Variants in HECTD4 observed in about 807,000 individuals in gnomAD.
HECTD4 encodes the protein HECT domain E3 ubiquitin protein ligase 4.
Under a neutral mutation model 471.5 loss-of-function variants are expected in HECTD4, and 114 were observed. The ratio of observed to expected loss-of-function variants is 0.24; its 90% CI spans 0.21 to 0.28. HECTD4 has a LOEUF of 0.28. Among genes scored for constraint, HECTD4 ranks in the 10% least tolerant of loss-of-function variants. The pLI is 1.00. For synonymous variants in HECTD4, 2,012 were observed against 2,256.0 expected, an observed-to-expected ratio of 0.89 and a Z score of 3.07; for missense variants, 3,866 against 5,651.5, an observed-to-expected ratio of 0.68 and a Z score of 10.13.
At chr12:112,348,589 T>A (rs1427866862) in intron 1 of HECTD4, among the ~76,000 whole-genome samples, 1 of 151,964 alleles carries the variant, frequency 6.6e-6, no homozygotes, top group African/African-American at 2.4e-5. Flanking sequence ...AGACCCTGTC[T>A]CTATAAAAAA....
chr12:112,235,061 C>T lies in HECTD4; in HGVS notation c.5915+16G>A. On this transcript the variant is annotated intron_variant, in intron 37 of 75. Transcript: ENST00000682272. The surrounding 1 kb of genome is among the most constrained non-coding windows in gnomAD (Gnocchi z 5.0). ...GGTGCTTGAGGATGTGTAGCTATCA[C>T]AATCATTATGGTCACCTTAGCAATG... 6.4e-7 allele frequency: 1 copy of T among 1,553,814 alleles called. No homozygotes were observed. The highest frequency in any genetic ancestry group is 1.2e-5 in the South Asian group (1 of 84,342).
intron 61 of HECTD4, 70 bp from the exon 62 acceptor site, chr12:112,183,336 C>T: frequency 8.4e-7 from 1 of 1,190,304 alleles, no homozygotes; most frequent in South Asian, 1.3e-5. Context: ...TGAACTTCTC[C>T]CTCCCACCTT....
rs1032771744 is a variant in HECTD4, at chr12:112,170,513, C to G, written c.11933-61G>C. ...CTTTGTCCCTTCCTTCCCAGTCCCC[C>G]CAAGACTCTCTTCCGGTCCCTGGGT... is the stretch of plus-strand genomic sequence containing the variant. On this transcript the variant is annotated intron_variant, in intron 68 of 75. Coordinates refer to ENST00000682272, the MANE Select transcript of HECTD4 (RefSeq NM_001388303.1). 1.8e-5 allele frequency: 27 copies of G among 1,497,134 alleles called. 1 individual carries two copies. In the South Asian group the frequency reaches 3.3e-4, roughly 18 times the overall value. The allele number at this position is 1,497,134 out of a possible 1,614,324, so 92.7% of individuals were successfully genotyped here.
At chr12:112,268,327 T>C (rs1286734591) in intron 13 of HECTD4, among the ~76,000 whole-genome samples, 2 of 152,218 alleles carry the variant, frequency 1.3e-5, no homozygotes, top group Non-Finnish European at 2.9e-5. Flanking sequence ...ATTCGAAGCA[T>C]AATGTGCTGT....
In HECTD4 at chr12:112,203,767, T is replaced by C. The variant is rs754432106; in HGVS notation, c.8275A>G (p.Thr2759Ala). The C allele has an allele frequency of 1.2e-6, 2 of 1,607,128 alleles. No individual in the cohort carries two copies. Among genetic ancestry groups the C allele is most frequent in the Non-Finnish European group, 1.7e-6 (2 of 1,175,960 alleles). Residue 2759 changes from threonine to alanine, a missense_variant, in exon 54 of 76, where the codon ACA (threonine) becomes GCA (alanine). Thr to Ala is a moderately conservative substitution (Grantham distance 58, BLOSUM62 0). This residue lies in a region of HECTD4 where 266 missense variants were observed against 441.6 expected (regional missense o/e 0.60). Transcript: ENST00000682272. ...FTIDKVRKGL[T>A]VVTRSPDSNN... ...CTGTCTGGAGAGCGGGTTACTACTGTGAGACCTGAGGAGTGTAGAGGGAGA... is the reference window on the plus strand; with the variant it reads ...CTGTCTGGAGAGCGGGTTACTACTGCGAGACCTGAGGAGTGTAGAGGGAGA...
chr12:112,315,043 C>T (rs950154511), intron 2 of HECTD4, among the ~76,000 whole-genome samples: 2 of 152,182 alleles, frequency 1.3e-5, no homozygotes, highest in Non-Finnish European at 2.9e-5. Context: ...CTGAGAGATG[C>T]TCCTTCTGTA....
intron 52 of HECTD4, among the ~76,000 whole-genome samples, chr12:112,206,034 A>G (rs952259640): frequency 2.0e-5 from 3 of 152,250 alleles, no homozygotes; most frequent in African/African-American, 7.2e-5. Flanking sequence ...GAGAAAGAAC[A>G]TACGATTATG....
At chr12:112,266,105 T>C (rs1359336197) in intron 14 of HECTD4, 122 bp from the exon 15 acceptor site, 10 of 652,228 alleles carry the variant, frequency 1.5e-5, no homozygotes, top group East Asian at 5.5e-5. Context: ...ACATACGGAC[T>C]TATACAAATA....
intron 1 of HECTD4, among the ~76,000 whole-genome samples, chr12:112,362,873 T>C (rs2036478922): frequency 6.6e-6 from 1 of 152,076 alleles, no homozygotes; most frequent in Admixed American, 6.6e-5. Context: ...GGCTAATTTT[T>C]GTATATTTAG....
intron 25 of HECTD4, 37 bp from the exon 26 acceptor site, chr12:112,248,549 T>G: frequency 7.3e-7 from 1 of 1,374,446 alleles, no homozygotes; most frequent in South Asian, 1.4e-5. Flanking sequence ...ATATATGCCA[T>G]GCTCTCAGCT....
At position 112,354,947 on chromosome 12, in the gene HECTD4, A is replaced by G. The variant is rs2036307489; in HGVS notation, c.177+27005T>C. Among the ~76,000 whole-genome samples the G allele has an allele frequency of 2.0e-5, 3 of 152,102 alleles. No homozygotes were observed. The South Asian group carries it at 6.2e-4, about 31-fold the overall frequency. ...AATATTTATTCTATGCTATATTTAA[A>G]TAAGCATAAGGTTAAGGGTTTGCCA... On this transcript the variant is annotated intron_variant, in intron 1 of 75. Transcript: ENST00000682272.
At chr12:112,305,581 C>T (rs2035255656) in intron 7 of HECTD4, among the ~76,000 whole-genome samples, 1 of 152,188 alleles carries the variant, frequency 6.6e-6, no homozygotes, top group South Asian at 2.1e-4. Context: ...CCTGAATACA[C>T]ATCACATTTG....
Position 112,178,995 on chromosome 12 carries a change from C to A in HECTD4, c.11299G>T (p.Val3767Leu). ...AGKEQHPVKV[V>L]STKRPITKPP... ...TTGGTGATAGGCCGCTTGGTGCTCA[C>A]CACCTTCACGGGGTGCTGCTCCTTC... Residue 3767 changes from valine to leucine, a missense_variant, in exon 64 of 76, where the codon GTG becomes TTG. Around this residue, in one of 16 missense-constraint regions of HECTD4, gnomAD observed 715 missense variants for 1,087.6 expected, o/e 0.66. Transcript: ENST00000682272. The A allele has an allele frequency of 1.2e-6, 2 of 1,613,416 alleles. No homozygotes were observed. The highest frequency in any genetic ancestry group is 1.1e-5 in the South Asian group (1 of 90,992).
chr12:112,182,683 G>A (rs1386608056), intron 62 of HECTD4, among the ~76,000 whole-genome samples: 1 of 152,276 alleles, frequency 6.6e-6, no homozygotes, highest in East Asian at 1.9e-4. Flanking sequence ...ATTCAAGCCT[G>A]TTGCAGGCGG....
At chr12:112,176,162 A>G (rs1566061211) in intron 65 of HECTD4, among the ~76,000 whole-genome samples, 1 of 152,240 alleles carries the variant, frequency 6.6e-6, no homozygotes, top group Non-Finnish European at 1.5e-5. Flanking sequence ...TTTCCAGACA[A>G]CAAGAATAGC....
intron 44 of HECTD4, 29 bp downstream of exon 44, chr12:112,226,614 A>C (rs1231395218): frequency 7.1e-7 from 1 of 1,418,074 alleles, no homozygotes. Flanking sequence ...TCAATAAAAC[A>C]GGGTGGTAAG....
Position 112,243,025 on chromosome 12 carries a change from T to A in HECTD4, c.4958+328A>T, listed in dbSNP as rs922591876. Among the ~76,000 whole-genome samples the A allele has an allele frequency of 1.3e-5, 2 of 152,188 alleles. No homozygotes were observed. Among genetic ancestry groups the A allele is most frequent in the African/African-American group, 4.8e-5 (2 of 41,446 alleles). On this transcript the variant is annotated intron_variant, in intron 32 of 75. Coordinates refer to ENST00000682272, the MANE Select transcript of HECTD4 (RefSeq NM_001388303.1). This position sits in a 1 kb window ranked among gnomAD's most constrained non-coding sequence, Gnocchi z 6.6. ...AACCATGGTTATAGAAAGGCATGGA[T>A]AATATAATCTGAATTAAGTTGAAAA...
At chr12:112,305,984 A>T in intron 7 of HECTD4, 80 bp downstream of exon 7, 1 of 1,345,654 alleles carries the variant, frequency 7.4e-7, no homozygotes, top group Non-Finnish European at 1.0e-6. Context: ...CAAGGTTCTT[A>T]GGCCCTTTGC....
intron 1 of HECTD4, among the ~76,000 whole-genome samples, chr12:112,327,751 T>C (rs2035774188): frequency 6.6e-6 from 1 of 152,218 alleles, no homozygotes; most frequent in Non-Finnish European, 1.5e-5. Context: ...CCACAGGAAA[T>C]GCTTTCCTTA....
Sources: allele counts gnomAD v4.1 joint callset (sites outside exome capture counted in the v4.1 genomes callset), GRCh38; gene constraint gnomAD v4.1.1; regional missense constraint gnomAD v4.1.1; non-coding constraint Gnocchi (gnomAD v3.1); transcripts MANE v1.5; gene names NCBI Gene and HGNC (gene_info 2026-07-23, HGNC 2026-07-21).